The following FARP1 variants were observed in gnomAD, a reference collection of about 807,000 sequenced individuals.
FARP1 encodes the protein FERM, ARHGEF and pleckstrin domain-containing protein 1.
A neutral mutation model predicts 128.8 loss-of-function variants in FARP1; 52 were observed. That is an observed-to-expected ratio of 0.40 (90% CI 0.32 to 0.51). The LOEUF (loss-of-function observed/expected upper bound fraction) is 0.51, where lower values mean the gene tolerates loss of function less well. Ranked by LOEUF, FARP1 falls within the 20% of genes least tolerant of loss-of-function variation. FARP1 has a pLI of 0.45. For synonymous variants in FARP1, 580 were observed against 551.8 expected, an observed-to-expected ratio of 1.05 and a Z score of -0.72; for missense variants, 1,333 against 1,367.9, an observed-to-expected ratio of 0.97 and a Z score of 0.40.
rs960664168 is a variant in FARP1 at position 98,452,324 on chromosome 13, C to T, written c.*4007C>T. On this transcript the variant is annotated 3_prime_UTR_variant, in exon 27 of 27. Transcript: ENST00000319562. Reference sequence around the variant, plus strand: ...ATTCCAAACAAATGTCAGACGAGAGCGCTTCATGGGGAGAAACTGAAAATT... The same window carrying T: ...ATTCCAAACAAATGTCAGACGAGAGTGCTTCATGGGGAGAAACTGAAAATT... 6.6e-5 allele frequency: 10 copies of T among 152,526 alleles called. No homozygotes were observed. The highest frequency in any genetic ancestry group is 3.9e-4 in the East Asian group (2 of 5,180). The allele number at this position is 152,526 out of a possible 1,614,324, so 9.4% of individuals were successfully genotyped here.
At chr13:98,444,450 T>C (rs975256085) in intron 24 of FARP1, among the ~76,000 whole-genome samples, 2 of 152,130 alleles carry the variant, frequency 1.3e-5, no homozygotes, top group Non-Finnish European at 2.9e-5. Flanking sequence ...AACAAGGATG[T>C]TGACCCTCTC....
intron 16 of FARP1, among the ~76,000 whole-genome samples, chr13:98,415,006 G>T (rs1042163194): frequency 1.8e-4 from 28 of 152,334 alleles, no homozygotes; most frequent in Non-Finnish European, 3.5e-4. Flanking sequence ...CACAGAAAAG[G>T]ATTTCTGAAG....
intron 2 of FARP1, among the ~76,000 whole-genome samples, chr13:98,251,054 T>A (rs192180021): frequency 3.9e-5 from 6 of 152,354 alleles, no homozygotes; most frequent in Non-Finnish European, 8.8e-5. Flanking sequence ...TGTGAATACA[T>A]AAATATGTTT....
intron 2 of FARP1, among the ~76,000 whole-genome samples, chr13:98,259,921 A>G (rs868183241): frequency 0.097 from 3,584 of 36,790 alleles, 133 homozygotes; most frequent in African/African-American, 0.17. Context: ...GTGTGTGTGT[A>G]TTGAGAAGAC....
intron 2 of FARP1, among the ~76,000 whole-genome samples, chr13:98,287,882 A>C (rs562822242): frequency 4.0e-5 from 6 of 148,284 alleles, no homozygotes; most frequent in African/African-American, 1.5e-4. Context: ...GCTCACTGCA[A>C]CCTCTGACTC....
chr13:98,292,510 T>C lies in FARP1; in HGVS notation c.172-51252T>C, dbSNP rs116304215. 1.4e-3 allele frequency among the ~76,000 whole-genome samples: 211 copies of C among 152,374 alleles called. 1 individual carries two copies. The highest frequency in any genetic ancestry group is 5.0e-3 in the African/African-American group (207 of 41,600). Reference sequence around the variant, plus strand: ...TGCAACATTCAATACAGTAGTCACTTGCCACATGTGGCTATTTAAATTTAA... The same window carrying C: ...TGCAACATTCAATACAGTAGTCACTCGCCACATGTGGCTATTTAAATTTAA... On this transcript the variant is annotated intron_variant, in intron 2 of 26. Coordinates refer to ENST00000319562, the MANE Select transcript of FARP1 (RefSeq NM_005766.4).
intron 16 of FARP1, among the ~76,000 whole-genome samples, chr13:98,423,375 A>G (rs913219338): frequency 1.1e-4 from 16 of 152,250 alleles, no homozygotes; most frequent in Admixed American, 7.8e-4. Context: ...TTCCACTTTG[A>G]AGATCTCTCA....
chr13:98,333,145 C>T (rs1887581338), intron 2 of FARP1: 1 of 152,270 alleles, frequency 6.6e-6, no homozygotes, highest in South Asian at 2.1e-4. Flanking sequence ...CTACTTTCTA[C>T]AAGCAGTCGT....
At chr13:98,445,007 C>T (rs932360339) in intron 24 of FARP1, 2 of 152,828 alleles carry the variant, frequency 1.3e-5, no homozygotes, top group Non-Finnish European at 2.9e-5. Context: ...TGCCCTTTCT[C>T]CCCGTCTGCG....
chr13:98,453,724 G>A lies in FARP1; in HGVS notation c.*5407G>A, dbSNP rs1356051691. 6.5e-6 allele frequency: 1 copy of A among 153,174 alleles called. No homozygotes were observed. The highest frequency in any genetic ancestry group is 1.5e-5 in the Non-Finnish European group (1 of 68,834). The allele number at this position is 153,174 out of a possible 1,614,324, so 9.5% of individuals were successfully genotyped here. A position where few individuals can be genotyped will look rare whatever the true frequency, so the allele number is the denominator to read the frequency against. ...GGATTTTCGTAATTACACTAATTTG[G>A]AAACAACTCTGATGCCCAACAGTAC... On this transcript the variant is annotated 3_prime_UTR_variant, in exon 27 of 27. Transcript: ENST00000319562.
At chr13:98,333,745 C>T (rs957790999) in intron 2 of FARP1, 5 of 152,098 alleles carry the variant, frequency 3.3e-5, no homozygotes, top group Admixed American at 6.5e-5. Flanking sequence ...CAGGAAGAAT[C>T]GCAGCATTTG....
chr13:98,182,476 G>A (rs1421363892), intron 1 of FARP1, among the ~76,000 whole-genome samples: 1 of 151,960 alleles, frequency 6.6e-6, no homozygotes, highest in African/African-American at 2.4e-5. Flanking sequence ...ACAGGCACAC[G>A]CCCCCACACC....
At chr13:98,261,893 G>A (rs1236355380) in intron 2 of FARP1, among the ~76,000 whole-genome samples, 1 of 152,044 alleles carries the variant, frequency 6.6e-6, no homozygotes, top group Non-Finnish European at 1.5e-5. Flanking sequence ...CTCTCACTAG[G>A]CTCCGTCTCC....
At chr13:98,417,986 C>T (rs768556818) in intron 16 of FARP1, among the ~76,000 whole-genome samples, 14 of 152,142 alleles carry the variant, frequency 9.2e-5, no homozygotes, top group Non-Finnish European at 1.2e-4. Flanking sequence ...AGAGGTAACC[C>T]AAATGTCCAT....
intron 1 of FARP1, among the ~76,000 whole-genome samples, chr13:98,188,002 T>C (rs919096778): frequency 6.6e-6 from 1 of 152,214 alleles, no homozygotes; most frequent in Non-Finnish European, 1.5e-5. Context: ...TGTTCACATT[T>C]GCTATTTTAA....
chr13:98,322,308 C>T (rs772242424), intron 2 of FARP1, among the ~76,000 whole-genome samples: 5 of 152,068 alleles, frequency 3.3e-5, no homozygotes, highest in Non-Finnish European at 7.4e-5. Context: ...CAAAAACAAA[C>T]AAACAAAAAA....
At chr13:98,405,873 TTCCTC>T (rs1393504664) in intron 13 of FARP1, 1 of 152,220 alleles carries the variant, frequency 6.6e-6, no homozygotes, top group East Asian at 1.9e-4. Context: ...CAGTCACAGT[TTCCTC>T]TCCCCGTTGC....
At chr13:98,379,149 ATAAT>A (rs1365984681) in intron 6 of FARP1, among the ~76,000 whole-genome samples, 3 of 96,706 alleles carry the variant, frequency 3.1e-5, no homozygotes, top group African/African-American at 2.4e-4. Flanking sequence ...TAATCTATAT[ATAAT>A]ATATATATAA....
intron 13 of FARP1, chr13:98,400,078 T>TC (rs1417963616): frequency 1.3e-5 from 2 of 152,156 alleles, no homozygotes; most frequent in Non-Finnish European, 2.9e-5. Flanking sequence ...CTGATTTATC[T>TC]CCCCCCAATT....
Sources: gnomAD v4.1 joint callset for allele counts (sites outside exome capture counted in the v4.1 genomes callset) on GRCh38, gnomAD v4.1.1 for gene constraint, MANE v1.5 for transcripts, NCBI Gene and HGNC (gene_info 2026-07-23, HGNC 2026-07-21) for gene names.